Variants in SLC3A1 observed in about 807,000 individuals in gnomAD.
SLC3A1 encodes the protein solute carrier family 3 member 1, also known as amino acid transporter heavy chain SLC3A1.
In SLC3A1, 78 loss-of-function variants were observed where a neutral mutation model predicts 60.3. The observed-to-expected ratio is 1.29, with a 90% confidence interval of 1.08 to 1.56. SLC3A1 has a LOEUF of 1.56. Ranked by LOEUF, SLC3A1 falls within the 40% of genes most tolerant of loss-of-function variation. SLC3A1 has a pLI of 0.00. For synonymous variants in SLC3A1, 392 were observed against 307.9 expected, an observed-to-expected ratio of 1.27 and a Z score of -2.86; for missense variants, 1,172 against 858.9, an observed-to-expected ratio of 1.36 and a Z score of -4.56.
At chr2:44,290,683 C>T (rs1332779043) in intron 4 of SLC3A1, among the ~76,000 whole-genome samples, 2 of 144,256 alleles carry the variant, frequency 1.4e-5, no homozygotes, top group Non-Finnish European at 3.0e-5. Context: ...ATTTTTAAGA[C>T]TTTTTTTTTT....
chr2:44,276,345 G>T (rs1671341392), intron 1 of SLC3A1, among the ~76,000 whole-genome samples: 1 of 152,184 alleles, frequency 6.6e-6, no homozygotes, highest in African/African-American at 2.4e-5. Context: ...TGCTTTCCCA[G>T]TATACGAAGC....
chr2:44,277,011 A>G (rs1671358769), intron 1 of SLC3A1, among the ~76,000 whole-genome samples: 1 of 152,112 alleles, frequency 6.6e-6, no homozygotes, highest in African/African-American at 2.4e-5. Context: ...ATGTATCTTT[A>G]AAATGCTACA....
chr2:44,318,095 G>GTT (rs11348872), intron 9 of SLC3A1: 908 of 395,862 alleles, frequency 2.3e-3, no homozygotes, highest in East Asian at 9.6e-3. Flanking sequence ...TCTCAACACT[G>GTT]TTTTTTTTTT....
intron 4 of SLC3A1, among the ~76,000 whole-genome samples, chr2:44,298,066 A>G (rs1311925722): frequency 6.6e-6 from 1 of 152,288 alleles, no homozygotes; most frequent in East Asian, 1.9e-4. Flanking sequence ...CGTGGACATA[A>G]GTTTTCATTT....
chr2:44,321,501 T>G (rs1382468317), downstream of SLC3A1: 66 of 1,578,590 alleles, frequency 4.2e-5, no homozygotes, highest in South Asian at 3.9e-4. Flanking sequence ...AAAATGCCAC[T>G]GTTTAAGCTT....
chr2:44,297,339 C>G, intron 4 of SLC3A1, among the ~76,000 whole-genome samples: 1 of 152,140 alleles, frequency 6.6e-6, no homozygotes, highest in Non-Finnish European at 1.5e-5. Flanking sequence ...GGCTCAGGAC[C>G]TCTGCTTTTC....
chr2:44,276,857 G>GC (rs1262483989), intron 1 of SLC3A1, among the ~76,000 whole-genome samples: 2 of 152,160 alleles, frequency 1.3e-5, no homozygotes, highest in African/African-American at 4.8e-5. Context: ...GAACTTCTGA[G>GC]CAAATTGGTT....
rs368554884 is a variant in SLC3A1, at chr2:44,304,332, C to T, written c.1326C>T (p.Asn442=). 26 of 1,613,116 alleles carry T rather than the reference C, an allele frequency of 1.6e-5. No homozygotes were observed. Among genetic ancestry groups the T allele is most frequent in the Non-Finnish European group, 2.2e-5 (26 of 1,179,134 alleles). The change falls in exon 7 of 10, where the codon AAC becomes AAT. Residue 442 remains asparagine (N), a synonymous_variant. Transcript: ENST00000260649. ...ACATGCCAGAAGGAAAATGGCCTAA[C>T]TGGATGGTAAGTCCTCATGACAGCA... ...MENMPEGKWP[N]WMIGGPDSSR...
chr2:44,276,193 G>A (rs983566949), intron 1 of SLC3A1, among the ~76,000 whole-genome samples: 1 of 152,184 alleles, frequency 6.6e-6, no homozygotes, highest in African/African-American at 2.4e-5. Context: ...TGAGCCAAAC[G>A]AGTTGTTTAA....
intron 3 of SLC3A1, among the ~76,000 whole-genome samples, chr2:44,281,884 T>C (rs1363896479): frequency 6.6e-6 from 1 of 152,180 alleles, no homozygotes; most frequent in Non-Finnish European, 1.5e-5. Flanking sequence ...TTTGCATTTT[T>C]TTTTCTTGAG....
At chr2:44,280,058 G>T (rs1671457073) in intron 1 of SLC3A1, among the ~76,000 whole-genome samples, 1 of 152,138 alleles carries the variant, frequency 6.6e-6, no homozygotes, top group African/African-American at 2.4e-5. Context: ...GCGTTACTCT[G>T]CTCTGTTCCT....
chr2:44,309,980 C>T (rs887740697), intron 7 of SLC3A1, among the ~76,000 whole-genome samples: 1 of 152,026 alleles, frequency 6.6e-6, no homozygotes, highest in Non-Finnish European at 1.5e-5. Flanking sequence ...CAGCCTTGAC[C>T]TCCTGGGCTC....
intron 4 of SLC3A1, among the ~76,000 whole-genome samples, chr2:44,286,734 G>A (rs1399135884): frequency 6.8e-6 from 1 of 146,712 alleles, no homozygotes; most frequent in Admixed American, 6.9e-5. Flanking sequence ...GAGCTGTGCA[G>A]TGCCTGTGAC....
Position 44,320,481 on chromosome 2 carries a change from G to A in SLC3A1, c.1900G>A (p.Asp634Asn), listed in dbSNP as rs1398255704. 1.2e-6 allele frequency: 2 copies of A among 1,614,140 alleles called. No homozygotes were observed. The highest frequency in any genetic ancestry group is 1.1e-5 in the South Asian group (1 of 91,080). Reference protein sequence around the residue: ...TNSADKGSKVDTSGIFLDKGE... With the variant: ...TNSADKGSKVNTSGIFLDKGE... ...TTCTGCCGACAAAGGCAGTAAAGTT[G>A]ATACAAGTGGCATTTTTCTGGACAA... Residue 634 changes from aspartate (D) to asparagine (N), a missense_variant, in exon 10 of 10, where the codon GAT (aspartate) becomes AAT (asparagine). Asp to Asn is a conservative substitution (Grantham distance 23). Coordinates refer to ENST00000260649, the MANE Select transcript of SLC3A1 (RefSeq NM_000341.4).
intron 7 of SLC3A1, among the ~76,000 whole-genome samples, 173 bp downstream of exon 7, chr2:44,304,511 AG>A (rs1348453929): frequency 6.6e-6 from 1 of 152,166 alleles, no homozygotes; most frequent in Non-Finnish European, 1.5e-5. Context: ...TCATTAAGGG[AG>A]GGAGACTGCC....
intron 7 of SLC3A1, among the ~76,000 whole-genome samples, chr2:44,311,520 C>T (rs1239702836): frequency 6.6e-6 from 1 of 152,080 alleles, no homozygotes; most frequent in Non-Finnish European, 1.5e-5. Flanking sequence ...CACATTCTTC[C>T]TTTCCCAGTG....
intron 4 of SLC3A1, among the ~76,000 whole-genome samples, chr2:44,297,677 AAT>A (rs1437951202): frequency 6.6e-6 from 1 of 152,142 alleles, no homozygotes; most frequent in African/African-American, 2.4e-5. Flanking sequence ...ATTCAGGCTC[AAT>A]ATGTCATTCT....
chr2:44,301,947 C>T (rs71420092), intron 6 of SLC3A1, among the ~76,000 whole-genome samples: 146 of 151,022 alleles, frequency 9.7e-4, no homozygotes, highest in Non-Finnish European at 1.8e-3. Context: ...ACCAGCTACT[C>T]GGGAGGCTGA....
intron 1 of SLC3A1, 101 bp downstream of exon 1, chr2:44,276,066 A>G: frequency 9.6e-7 from 1 of 1,038,112 alleles, no homozygotes; most frequent in Non-Finnish European, 1.5e-6. Flanking sequence ...TTCAGTAAGC[A>G]CATTCCATTA....
Sources: gnomAD v4.1 joint callset for allele counts (sites outside exome capture counted in the v4.1 genomes callset) on GRCh38, gnomAD v4.1.1 for gene constraint, MANE v1.5 for transcripts, NCBI Gene and HGNC (gene_info 2026-07-23, HGNC 2026-07-21) for gene names.